Variants in CYRIA observed in about 807,000 individuals in gnomAD.
CYRIA encodes the protein CYFIP-related Rac1 interactor A.
A neutral mutation model predicts 43.9 loss-of-function variants in CYRIA; 15 were observed. The observed-to-expected ratio is 0.34, with a 90% CI of 0.23 to 0.53. The LOEUF (loss-of-function observed/expected upper bound fraction) is 0.53, where lower values mean the gene tolerates loss of function less well. CYRIA is among the 20% of genes least tolerant of loss of function. CYRIA has a pLI of 0.94. For synonymous variants in CYRIA, 117 were observed against 136.0 expected (o/e 0.86, Z 0.97); for missense variants, 236 against 394.2 (o/e 0.60, Z 3.40).
At chr2:16,613,262 T>C (rs1668667376) in intron 2 of CYRIA, among the ~76,000 whole-genome samples, 1 of 152,202 alleles carries the variant, frequency 6.6e-6, no homozygotes. Flanking sequence ...CCTCCACCTC[T>C]GGGCAGGAGA....
At chr2:16,646,254 C>T (rs1384477897) in intron 1 of CYRIA, among the ~76,000 whole-genome samples, 2 of 152,230 alleles carry the variant, frequency 1.3e-5, no homozygotes, top group African/African-American at 2.4e-5. Flanking sequence ...CCCCACCAGG[C>T]CACTACCCTG....
At chr2:16,580,645 T>C (rs1287687514) in intron 3 of CYRIA, among the ~76,000 whole-genome samples, 1 of 152,142 alleles carries the variant, frequency 6.6e-6, no homozygotes, top group Non-Finnish European at 1.5e-5. Context: ...AAGGACTAAT[T>C]AGAAAATTTA....
intron 1 of CYRIA, among the ~76,000 whole-genome samples, chr2:16,640,134 C>T (rs1193093630): frequency 6.6e-6 from 1 of 152,218 alleles, no homozygotes; most frequent in African/African-American, 2.4e-5. Flanking sequence ...CACGCACACA[C>T]ACACATCCTT....
At chr2:16,563,956 T>G (rs570660817) in intron 5 of CYRIA, 33 bp downstream of exon 5, 1 of 1,504,752 alleles carries the variant, frequency 6.6e-7, no homozygotes. Context: ...GAACTCCGTA[T>G]GTGGGCCATG....
intron 3 of CYRIA, among the ~76,000 whole-genome samples, chr2:16,568,912 G>T (rs1029102234): frequency 6.6e-6 from 1 of 152,106 alleles, no homozygotes; most frequent in Non-Finnish European, 1.5e-5. Flanking sequence ...GGGCCAGAGA[G>T]GAGAGCTGGA....
At chr2:16,554,174 T>C (rs1025264832) in intron 11 of CYRIA, among the ~76,000 whole-genome samples, 3 of 152,124 alleles carry the variant, frequency 2.0e-5, no homozygotes, top group African/African-American at 4.8e-5. Flanking sequence ...GCATTGTACA[T>C]AGGTAGAGCA....
chr2:16,603,456 G>C (rs560025348), intron 2 of CYRIA, among the ~76,000 whole-genome samples: 3 of 152,106 alleles, frequency 2.0e-5, no homozygotes, highest in African/African-American at 7.2e-5. Flanking sequence ...CCTTCTATCT[G>C]ACATCTAAGC....
intron 3 of CYRIA, among the ~76,000 whole-genome samples, chr2:16,568,885 C>T (rs1225916555): frequency 6.6e-6 from 1 of 152,124 alleles, no homozygotes; most frequent in African/African-American, 2.4e-5. Flanking sequence ...TTAGACAAAA[C>T]AGAATTAAAA....
rs116334344 is a variant in CYRIA, at chr2:16,591,049, C to G, written c.-10-2920G>C. Among the ~76,000 whole-genome samples, 411 of 152,238 alleles carry G rather than the reference C, an allele frequency of 2.7e-3. 3 individuals are homozygous for G. The highest frequency in any genetic ancestry group is 9.5e-3 in the African/African-American group (396 of 41,558). On this transcript the variant is annotated intron_variant, in intron 2 of 11. Transcript: ENST00000381323. ...CATCCATATTCTGCATGACAGATTA[C>G]TCTCCAATTTTTTCAAGCAGCTCAT...
chr2:16,583,106 A>T (rs1667606816), intron 3 of CYRIA, among the ~76,000 whole-genome samples: 2 of 152,196 alleles, frequency 1.3e-5, no homozygotes, highest in South Asian at 4.1e-4. Context: ...TTCCTTCATG[A>T]CTAATGATAG....
intron 1 of CYRIA, among the ~76,000 whole-genome samples, chr2:16,663,160 G>T (rs889616756): frequency 2.0e-5 from 3 of 152,168 alleles, no homozygotes; most frequent in African/African-American, 7.2e-5. Context: ...ATAGAACTAG[G>T]ACATTATGGG....
At chr2:16,611,088 C>T (rs1016658257) in intron 2 of CYRIA, among the ~76,000 whole-genome samples, 1 of 151,544 alleles carries the variant, frequency 6.6e-6, no homozygotes, top group African/African-American at 2.4e-5. Context: ...GGCCGGGGGC[C>T]GTGGCTCACG....
chr2:16,640,029 T>C (rs1302849944), intron 1 of CYRIA, among the ~76,000 whole-genome samples: 1 of 152,228 alleles, frequency 6.6e-6, no homozygotes, highest in African/African-American at 2.4e-5. Context: ...TTTTATCTTC[T>C]GTAACACCGG....
chr2:16,644,868 C>T (rs547106058), intron 1 of CYRIA, among the ~76,000 whole-genome samples: 14 of 152,166 alleles, frequency 9.2e-5, no homozygotes, highest in Non-Finnish European at 1.8e-4. Context: ...ACCAACCCCC[C>T]ACACACGGAG....
At chr2:16,614,800 C>T (rs550047312) in intron 2 of CYRIA, among the ~76,000 whole-genome samples, 4 of 152,344 alleles carry the variant, frequency 2.6e-5, no homozygotes, top group South Asian at 2.1e-4. Flanking sequence ...GGCAAGGTGC[C>T]ACATCCCTCT....
At chr2:16,586,239 G>A (rs2103455438) in intron 3 of CYRIA, among the ~76,000 whole-genome samples, 1 of 152,126 alleles carries the variant, frequency 6.6e-6, no homozygotes, top group East Asian at 1.9e-4. Flanking sequence ...TGTACACATT[G>A]AATGCAACAA....
intron 1 of CYRIA, among the ~76,000 whole-genome samples, chr2:16,646,091 T>C (rs982900249): frequency 6.6e-6 from 1 of 152,172 alleles, no homozygotes; most frequent in Non-Finnish European, 1.5e-5. Context: ...AGGAGGTGGC[T>C]CTAGCTCTAG....
rs535526841 is a variant in CYRIA, at chr2:16,578,751, G to T, written c.70+9299C>A. On this transcript the variant is annotated intron_variant, in intron 3 of 11. Transcript: ENST00000381323. The stretch of plus-strand genomic sequence containing the variant: ...AAAGAAAAAAAGAATTTAAAAAATA[G>T]AACAGAGTATCTGAGATCTGTGAAG... Among the ~76,000 whole-genome samples the T allele has an allele frequency of 2.0e-5, 3 of 152,084 alleles. No individual in the cohort carries two copies. The South Asian group carries it at 6.2e-4, about 32-fold the overall frequency.
At chr2:16,567,476 C>T (rs1006164521) in intron 3 of CYRIA, among the ~76,000 whole-genome samples, 2 of 152,098 alleles carry the variant, frequency 1.3e-5, no homozygotes, top group East Asian at 1.9e-4. Flanking sequence ...TAAGTGACGG[C>T]GAAGTGGGGC....
Sources: gnomAD v4.1 joint callset for allele counts (sites outside exome capture counted in the v4.1 genomes callset) on GRCh38, gnomAD v4.1.1 for gene constraint, MANE v1.5 for transcripts, NCBI Gene and HGNC (gene_info 2026-07-23, HGNC 2026-07-21) for gene names.